DLG2: variants seen among roughly 807,000 people sequenced by gnomAD.
DLG2 encodes the protein disks large homolog 2.
A neutral mutation model predicts 132.5 loss-of-function variants in DLG2; 45 were observed. The ratio of observed to expected loss-of-function variants is 0.34; its 90% CI spans 0.27 to 0.44. DLG2 has a LOEUF of 0.44. DLG2 is among the 20% of genes least tolerant of loss of function. The pLI, the probability that DLG2 is intolerant of heterozygous loss-of-function variation, is 1.00. For missense variants in DLG2, 1,045 were observed against 1,196.9 expected (o/e 0.87, Z 1.87); for synonymous variants, 424 against 419.6 (o/e 1.01, Z -0.13).
intron 11 of DLG2, among the ~76,000 whole-genome samples, chr11:84,041,311 G>T (rs1227191438): frequency 1.3e-5 from 2 of 151,882 alleles, no homozygotes; most frequent in Non-Finnish European, 2.9e-5. Context: ...ATTCCTAGAA[G>T]TAGAATCACT....
intron 3 of DLG2, among the ~76,000 whole-genome samples, chr11:85,297,652 C>T (rs1321323484): frequency 6.6e-6 from 1 of 152,002 alleles, no homozygotes; most frequent in Non-Finnish European, 1.5e-5. Context: ...CCTTTCATTC[C>T]CTTCCTGAAC....
intron 21 of DLG2, among the ~76,000 whole-genome samples, chr11:83,489,992 C>A (rs1161360698): frequency 6.6e-6 from 1 of 151,912 alleles, no homozygotes; most frequent in African/African-American, 2.4e-5. Flanking sequence ...AGTTTTATTT[C>A]TTCTCTATCC....
chr11:84,235,026 C>A (rs894511482), intron 8 of DLG2, among the ~76,000 whole-genome samples: 1 of 152,144 alleles, frequency 6.6e-6, no homozygotes, highest in Non-Finnish European at 1.5e-5. Flanking sequence ...GCTTCACCTG[C>A]CTAATAAGAA....
chr11:85,472,901 GAAGC>G (rs2093030396), intron 3 of DLG2, among the ~76,000 whole-genome samples: 1 of 152,214 alleles, frequency 6.6e-6, no homozygotes, highest in African/African-American at 2.4e-5. Flanking sequence ...TGTGCTGCTG[GAAGC>G]AAGAAGAGAA....
chr11:85,409,673 G>A (rs979090226), intron 3 of DLG2, among the ~76,000 whole-genome samples: 1 of 151,826 alleles, frequency 6.6e-6, no homozygotes, highest in African/African-American at 2.4e-5. Context: ...GCCAATGGGA[G>A]GCAGTTATAT....
At chr11:83,604,000 A>G (rs1052351701) in intron 19 of DLG2, among the ~76,000 whole-genome samples, 47 of 152,338 alleles carry the variant, frequency 3.1e-4, no homozygotes, top group African/African-American at 1.1e-3. Context: ...AACTGCTGGT[A>G]TGAGTAGCTA....
intron 17 of DLG2, among the ~76,000 whole-genome samples, chr11:83,822,600 G>A (rs1292369170): frequency 6.6e-6 from 1 of 152,168 alleles, no homozygotes; most frequent in East Asian, 1.9e-4. Context: ...CCACACTAAC[G>A]TGTAAGGTGC....
chr11:84,019,700 G>A (rs2095333329), intron 11 of DLG2, among the ~76,000 whole-genome samples: 1 of 152,146 alleles, frequency 6.6e-6, no homozygotes, highest in African/African-American at 2.4e-5. Context: ...AAACAGACAT[G>A]CATACAGGGA....
intron 3 of DLG2, among the ~76,000 whole-genome samples, chr11:85,544,866 T>C (rs1270344592): frequency 6.6e-6 from 1 of 152,234 alleles, no homozygotes; most frequent in Non-Finnish European, 1.5e-5. Flanking sequence ...CTGAAGTTGG[T>C]TATCAGCTTA....
At chr11:84,901,082 G>C (rs1293957855) in intron 6 of DLG2, among the ~76,000 whole-genome samples, 2 of 151,940 alleles carry the variant, frequency 1.3e-5, no homozygotes, top group Non-Finnish European at 1.5e-5. Context: ...AAAAGAAAAA[G>C]CAATTAATAG....
chr11:84,140,419 C>T (rs117431177), intron 9 of DLG2, among the ~76,000 whole-genome samples: 1,985 of 152,166 alleles, frequency 0.013, 22 homozygotes, highest in Middle Eastern at 0.024. Context: ...ATGCTGCATG[C>T]ATACAACTAA....
At chr11:83,913,617 A>G (rs1184221697) in intron 15 of DLG2, among the ~76,000 whole-genome samples, 1 of 152,120 alleles carries the variant, frequency 6.6e-6, no homozygotes, top group Non-Finnish European at 1.5e-5. Context: ...GGCACCACCA[A>G]AAACACATTT....
At chr11:84,096,870 T>C (rs527807498) in intron 10 of DLG2, among the ~76,000 whole-genome samples, 1 of 145,870 alleles carries the variant, frequency 6.9e-6, no homozygotes, top group East Asian at 2.0e-4. Context: ...GGGAGTATCT[T>C]TTTTGTTGAA....
intron 4 of DLG2, among the ~76,000 whole-genome samples, chr11:85,222,708 A>G (rs974842960): frequency 6.6e-6 from 1 of 152,250 alleles, no homozygotes; most frequent in Admixed American, 6.5e-5. Flanking sequence ...TTCTTGAGAT[A>G]GAAAATAAAT....
At chr11:84,395,076 C>T (rs1485463043) in intron 7 of DLG2, among the ~76,000 whole-genome samples, 1 of 152,110 alleles carries the variant, frequency 6.6e-6, no homozygotes, top group Non-Finnish European at 1.5e-5. Context: ...ATTTTCTGGA[C>T]TAGTTGATTC....
At chr11:85,122,951 A>ATATATATATTATATATATATATATAT (rs1555376305) in intron 5 of DLG2, among the ~76,000 whole-genome samples, 3 of 33,448 alleles carry the variant, frequency 9.0e-5, no homozygotes, top group Non-Finnish European at 1.0e-4. Context: ...TATATATATT[A>ATATATATATTATATATATATATATAT]TATATATATA....
chr11:85,459,727 C>T (rs2153054891), intron 3 of DLG2, among the ~76,000 whole-genome samples: 1 of 152,304 alleles, frequency 6.6e-6, no homozygotes, highest in Admixed American at 6.5e-5. Flanking sequence ...GGTGATACCA[C>T]TGCAGCTGCA....
intron 6 of DLG2, among the ~76,000 whole-genome samples, chr11:84,780,498 A>G (rs2071545761): frequency 6.6e-6 from 1 of 152,144 alleles, no homozygotes; most frequent in Non-Finnish European, 1.5e-5. Flanking sequence ...TGCTGGATTT[A>G]TGGTAAGTTT....
At chr11:84,507,652 C>A (rs1373995477) in intron 7 of DLG2, among the ~76,000 whole-genome samples, 1 of 152,086 alleles carries the variant, frequency 6.6e-6, no homozygotes, top group Non-Finnish European at 1.5e-5. Flanking sequence ...TCCTTTGATG[C>A]CTAGTCCGTT....
Sources: gnomAD v4.1 joint callset for allele counts (sites outside exome capture counted in the v4.1 genomes callset) on GRCh38, gnomAD v4.1.1 for gene constraint, MANE v1.5 for transcripts, NCBI Gene and HGNC (gene_info 2026-07-23, HGNC 2026-07-21) for gene names.